The following GPHN variants were observed in gnomAD, a reference collection of about 807,000 sequenced individuals.
GPHN encodes gephyrin.
A neutral mutation model predicts 95.5 loss-of-function variants in GPHN; 17 were observed. The observed-to-expected ratio is 0.18, with a 90% CI of 0.12 to 0.27. GPHN has a LOEUF of 0.27. Ranked by LOEUF, GPHN falls within the 10% of genes least tolerant of loss-of-function variation. GPHN has a pLI of 1.00. For missense variants in GPHN, 660 were observed against 978.1 expected (o/e 0.67, Z 4.34); for synonymous variants, 320 against 322.5 (o/e 0.99, Z 0.08).
intron 1 of GPHN, among the ~76,000 whole-genome samples, chr14:66,523,892 C>G (rs1386691242): frequency 6.6e-6 from 1 of 152,082 alleles, no homozygotes; most frequent in Non-Finnish European, 1.5e-5. Context: ...CTTATTTTAG[C>G]AACATCATTA....
chr14:66,989,655 GAAA>G (rs34801654), intron 9 of GPHN, among the ~76,000 whole-genome samples: 43,501 of 111,302 alleles, frequency 0.39, 9,579 homozygotes, highest in African/African-American at 0.66. Context: ...GTCCAATATA[GAAA>G]AAAAAAAAAA....
intron 9 of GPHN, among the ~76,000 whole-genome samples, chr14:67,008,381 G>C (rs953778955): frequency 6.6e-6 from 1 of 151,438 alleles, no homozygotes; most frequent in African/African-American, 2.4e-5. Flanking sequence ...GCTTGAACCC[G>C]GGAGGTGGAG....
chr14:67,122,545 A>G lies in GPHN; in HGVS notation c.1748+168A>G, dbSNP rs140249075. 1.6e-4 allele frequency among the ~76,000 whole-genome samples: 24 copies of G among 152,342 alleles called. No homozygotes were observed. The East Asian group carries it at 4.6e-3, about 29-fold the overall frequency. On this transcript the variant is annotated intron_variant, in intron 17 of 22. Transcript: ENST00000478722. The stretch of plus-strand genomic sequence containing the variant: ...ATTGAGGTATCTATGTCCTTTAGAG[A>G]TAAAGATTTCTTGGAATGTCTCTGA...
chr14:67,137,157 T>C (rs1035230861), intron 17 of GPHN, among the ~76,000 whole-genome samples: 2 of 148,902 alleles, frequency 1.3e-5, no homozygotes, highest in Non-Finnish European at 3.0e-5. Flanking sequence ...ATCTGTCTTT[T>C]TTTTTTGAGA....
At chr14:67,221,603 G>A in the GPHN span, 1 of 445,104 alleles carries the variant, frequency 2.2e-6, no homozygotes, top group African/African-American at 2.1e-5. Flanking sequence ...CAGAAATTTA[G>A]GTAATTTTAT....
rs569119109 is a variant in GPHN at position 66,665,772 on chromosome 14, A to G, written c.65-15335A>G. 1.2e-4 allele frequency among the ~76,000 whole-genome samples: 18 copies of G among 152,316 alleles called. No homozygotes were observed. The East Asian group carries it at 2.3e-3, about 20-fold the overall frequency. ...TGGGTATATACCCAAAGGATTATAA[A>G]TCATGCTGCTATAAAGACACATGGC... On this transcript the variant is annotated intron_variant, in intron 1 of 22. Transcript: ENST00000478722.
intron 8 of GPHN, among the ~76,000 whole-genome samples, chr14:66,951,211 G>A (rs571397528): frequency 4.3e-4 from 65 of 152,038 alleles, no homozygotes; most frequent in Middle Eastern, 3.4e-3. Flanking sequence ...AGTGGTGTGC[G>A]TGTGTTTAAT....
intron 1 of GPHN, among the ~76,000 whole-genome samples, chr14:66,575,641 G>A (rs545444777): frequency 3.9e-5 from 6 of 152,268 alleles, no homozygotes; most frequent in Non-Finnish European, 8.8e-5. Context: ...AGCCTGCCGG[G>A]TGCCCAGACA....
chr14:67,669,470 T>A, the GPHN span, among the ~76,000 whole-genome samples: 2 of 151,934 alleles, frequency 1.3e-5, no homozygotes, highest in South Asian at 2.1e-4. Context: ...TCTCACCATG[T>A]TGCCAAGGCT....
At chr14:67,699,381 C>G in the GPHN span, among the ~76,000 whole-genome samples, 1 of 151,446 alleles carries the variant, frequency 6.6e-6, no homozygotes, top group Admixed American at 6.6e-5. Flanking sequence ...CTAATGAGTC[C>G]CTGTCTCAAC....
chr14:67,104,525 A>G (rs141631414), intron 13 of GPHN, among the ~76,000 whole-genome samples: 1 of 152,082 alleles, frequency 6.6e-6, no homozygotes, highest in East Asian at 1.9e-4. Flanking sequence ...TTACAGATTC[A>G]GTCTCATTAC....
At chr14:66,849,965 A>C (rs1221832820) in intron 4 of GPHN, among the ~76,000 whole-genome samples, 1 of 152,268 alleles carries the variant, frequency 6.6e-6, no homozygotes, top group South Asian at 2.1e-4. Flanking sequence ...TTATATCCTG[A>C]ATCAAAGGCA....
At chr14:67,288,103 A>AG in the GPHN span, among the ~76,000 whole-genome samples, 1 of 152,088 alleles carries the variant, frequency 6.6e-6, no homozygotes, top group East Asian at 1.9e-4. Flanking sequence ...CCTTCGAGAC[A>AG]GAGTCTCACT....
chr14:66,910,703 A>G lies in GPHN; in HGVS notation c.390-5300A>G, dbSNP rs1034256685. On this transcript the variant is annotated intron_variant, in intron 5 of 22. Coordinates refer to ENST00000478722, the MANE Select transcript of GPHN (RefSeq NM_020806.5). ...ATATATATCTACATAAACAATATGCACACACATACATATACAAAAGGCACA... is the reference window on the plus strand; with the variant it reads ...ATATATATCTACATAAACAATATGCGCACACATACATATACAAAAGGCACA... 2.6e-5 allele frequency among the ~76,000 whole-genome samples: 4 copies of G among 152,058 alleles called. No homozygotes were observed. In the East Asian group the frequency reaches 5.8e-4, roughly 22 times the overall value.
intron 2 of GPHN, among the ~76,000 whole-genome samples, chr14:66,692,557 G>A (rs550060169): frequency 1.3e-5 from 2 of 152,230 alleles, no homozygotes; most frequent in South Asian, 4.1e-4. Flanking sequence ...TATACAACCA[G>A]GAGAGAGAAC....
chr14:67,334,778 T>C, the GPHN span: 1 of 152,244 alleles, frequency 6.6e-6, no homozygotes, highest in Non-Finnish European at 1.5e-5. Flanking sequence ...ACACCGATTT[T>C]TAGCATTAAA....
chr14:67,506,856 C>T, the GPHN span, among the ~76,000 whole-genome samples: 1 of 152,278 alleles, frequency 6.6e-6, no homozygotes, highest in Admixed American at 6.5e-5. Context: ...TGGTGGCATG[C>T]ACCTGTAGTC....
At chr14:66,688,562 C>G (rs1350836602) in intron 2 of GPHN, among the ~76,000 whole-genome samples, 3 of 152,160 alleles carry the variant, frequency 2.0e-5, no homozygotes, top group Non-Finnish European at 4.4e-5. Flanking sequence ...TGCAAAAGTA[C>G]TCAACTTGTT....
the GPHN span, among the ~76,000 whole-genome samples, chr14:67,358,321 G>T: frequency 6.6e-6 from 1 of 152,112 alleles, no homozygotes; most frequent in Admixed American, 6.5e-5. Flanking sequence ...ACAGGTGAAG[G>T]TAAAAAATTT....
Sources: gnomAD v4.1 joint callset for allele counts (sites outside exome capture counted in the v4.1 genomes callset) on GRCh38, gnomAD v4.1.1 for gene constraint, MANE v1.5 for transcripts, NCBI Gene and HGNC (gene_info 2026-07-23, HGNC 2026-07-21) for gene names.